Variants in KCNH7 observed in about 807,000 individuals in gnomAD.
The protein encoded by KCNH7 is potassium voltage-gated channel subfamily H member 7, also known as voltage-gated inwardly rectifying potassium channel KCNH7.
A neutral mutation model predicts 120.8 loss-of-function variants in KCNH7; 49 were observed. The observed-to-expected ratio is 0.41, with a 90% CI of 0.32 to 0.51. The LOEUF (loss-of-function observed/expected upper bound fraction) is 0.51. KCNH7 is among the 20% of genes least tolerant of loss of function. KCNH7 has a pLI of 0.38. For missense variants in KCNH7, 1,097 were observed against 1,446.6 expected, an observed-to-expected ratio of 0.76 and a Z score of 3.92; for synonymous variants, 547 against 516.1, an observed-to-expected ratio of 1.06 and a Z score of -0.81.
intron 3 of KCNH7, among the ~76,000 whole-genome samples, chr2:162,532,947 A>T (rs1311113158): frequency 6.6e-6 from 1 of 151,896 alleles, no homozygotes; most frequent in Non-Finnish European, 1.5e-5. Flanking sequence ...GATGAGCCTT[A>T]AGAAATAGAA....
chr2:162,671,758 T>C (rs1160791396), intron 2 of KCNH7, among the ~76,000 whole-genome samples: 1 of 151,672 alleles, frequency 6.6e-6, no homozygotes, highest in African/African-American at 2.4e-5. Flanking sequence ...GAAATAAATA[T>C]GCTCTAATAA....
intron 6 of KCNH7, among the ~76,000 whole-genome samples, chr2:162,501,732 A>G (rs1460625964): frequency 6.6e-6 from 1 of 150,674 alleles, no homozygotes; most frequent in African/African-American, 2.4e-5. Context: ...CCTCTTTTAC[A>G]AGGACACTAA....
At chr2:162,496,825 TTTG>T (rs1025632036) in intron 6 of KCNH7, 1 of 152,204 alleles carries the variant, frequency 6.6e-6, no homozygotes, top group Non-Finnish European at 1.5e-5. Flanking sequence ...CCACTTTTTG[TTTG>T]TTGTTGTATC....
intron 2 of KCNH7, among the ~76,000 whole-genome samples, chr2:162,621,948 T>C (rs1683377849): frequency 1.3e-5 from 2 of 152,202 alleles, no homozygotes; most frequent in Non-Finnish European, 2.9e-5. Context: ...AAATTTCTAT[T>C]AAAGGGTAGT....
At chr2:162,503,897 C>T (rs1335263426) in intron 6 of KCNH7, among the ~76,000 whole-genome samples, 1 of 152,024 alleles carries the variant, frequency 6.6e-6, no homozygotes, top group Non-Finnish European at 1.5e-5. Context: ...AGCTTTTCAT[C>T]CTAGTTCAAG....
chr2:162,642,369 T>C (rs1185239851), intron 2 of KCNH7, among the ~76,000 whole-genome samples: 1 of 152,248 alleles, frequency 6.6e-6, no homozygotes, highest in Non-Finnish European at 1.5e-5. Context: ...TCTTAAAATT[T>C]AACATATGAG....
intron 2 of KCNH7, among the ~76,000 whole-genome samples, chr2:162,804,693 A>G (rs965981820): frequency 1.2e-4 from 18 of 151,902 alleles, no homozygotes; most frequent in African/African-American, 4.3e-4. Context: ...CACAGAGTCA[A>G]TGCAATTCCC....
At chr2:162,575,220 C>A (rs1693629685) in intron 2 of KCNH7, among the ~76,000 whole-genome samples, 1 of 152,024 alleles carries the variant, frequency 6.6e-6, no homozygotes, top group African/African-American at 2.4e-5. Flanking sequence ...AGGATCAAAT[C>A]ACATCTGCTG....
At chr2:162,740,454 A>T (rs1456625372) in intron 2 of KCNH7, among the ~76,000 whole-genome samples, 2 of 152,148 alleles carry the variant, frequency 1.3e-5, no homozygotes, top group Admixed American at 6.5e-5. Context: ...TCAGCACCAG[A>T]TGGGAGTGGG....
intron 9 of KCNH7, among the ~76,000 whole-genome samples, chr2:162,422,351 C>T (rs1443126360): frequency 6.6e-6 from 1 of 152,112 alleles, no homozygotes; most frequent in Non-Finnish European, 1.5e-5. Context: ...ATTGTACAGG[C>T]TCACTTACAC....
chr2:162,704,901 A>T (rs1223712901), intron 2 of KCNH7, among the ~76,000 whole-genome samples: 5 of 152,206 alleles, frequency 3.3e-5, no homozygotes, highest in Non-Finnish European at 7.3e-5. Flanking sequence ...GAATTTCAAG[A>T]GTCTCATATT....
intron 2 of KCNH7, among the ~76,000 whole-genome samples, chr2:162,715,061 T>C (rs1447129915): frequency 6.6e-6 from 1 of 152,168 alleles, no homozygotes; most frequent in Non-Finnish European, 1.5e-5. Flanking sequence ...CACTATTTCA[T>C]CCTTACAGCA....
chr2:162,810,870 A>G (rs1173494804), intron 2 of KCNH7, among the ~76,000 whole-genome samples: 1 of 152,142 alleles, frequency 6.6e-6, no homozygotes, highest in Non-Finnish European at 1.5e-5. Context: ...TTCTTTTCGT[A>G]AATTAAATAA....
chr2:162,608,939 C>A (rs933249822), intron 2 of KCNH7, among the ~76,000 whole-genome samples: 2 of 152,258 alleles, frequency 1.3e-5, no homozygotes, highest in East Asian at 3.9e-4. Flanking sequence ...ACTTCTGGAC[C>A]ATTACAAGTG....
At chr2:162,533,045 T>C (rs1691983082) in intron 3 of KCNH7, among the ~76,000 whole-genome samples, 1 of 151,856 alleles carries the variant, frequency 6.6e-6, no homozygotes, top group South Asian at 2.1e-4. Flanking sequence ...GTTTTTGCCG[T>C]AATAATTTTA....
At chr2:162,400,812 T>C (rs931205894) in intron 9 of KCNH7, among the ~76,000 whole-genome samples, 1 of 151,916 alleles carries the variant, frequency 6.6e-6, no homozygotes, top group Non-Finnish European at 1.5e-5. Flanking sequence ...GTGGTACAAC[T>C]AGAAAGACAA....
chr2:162,582,424 T>G (rs1230194291), intron 2 of KCNH7, among the ~76,000 whole-genome samples: 4 of 152,082 alleles, frequency 2.6e-5, no homozygotes. Flanking sequence ...ATAACCACTT[T>G]AGAACTGGCA....
At chr2:162,792,486 C>T (rs545460302) in intron 2 of KCNH7, among the ~76,000 whole-genome samples, 5 of 152,020 alleles carry the variant, frequency 3.3e-5, no homozygotes, top group East Asian at 3.9e-4. Flanking sequence ...TTCAGGGATT[C>T]GAATTCTTCC....
intron 2 of KCNH7, among the ~76,000 whole-genome samples, chr2:162,538,719 C>T (rs188244564): frequency 2.2e-4 from 33 of 152,082 alleles, no homozygotes; most frequent in African/African-American, 7.7e-4. Context: ...CGCCACAGAT[C>T]GAGGACTTCA....
Sources: allele counts gnomAD v4.1 joint callset (sites outside exome capture counted in the v4.1 genomes callset), GRCh38; gene constraint gnomAD v4.1.1; transcripts MANE v1.5; gene names NCBI Gene and HGNC (gene_info 2026-07-23, HGNC 2026-07-21).